MXRA7: variants seen among roughly 807,000 people sequenced by gnomAD.
MXRA7 encodes matrix-remodeling-associated protein 7.
A neutral mutation model predicts 17.4 loss-of-function variants in MXRA7; 18 were observed. That is an observed-to-expected ratio of 1.03 (90% CI 0.71 to 1.53). The LOEUF is 1.53. Ranked by LOEUF, MXRA7 falls within the 40% of genes most tolerant of loss-of-function variation. MXRA7 has a pLI of 0.00. For synonymous variants in MXRA7, 70 were observed against 101.7 expected, an observed-to-expected ratio of 0.69 and a Z score of 1.87; for missense variants, 141 against 209.3, an observed-to-expected ratio of 0.67 and a Z score of 2.01.
intron 1 of MXRA7, 149 bp downstream of exon 1, chr17:76,710,456 C>T (rs2076706988): frequency 1.7e-6 from 1 of 582,698 alleles, no homozygotes; most frequent in Non-Finnish European, 2.4e-6. Context: ...CATGGCGGGA[C>T]CTGCATTTCC....
chr17:76,684,044 C>A (rs1205935857), intron 3 of MXRA7: 3 of 832,688 alleles, frequency 3.6e-6, no homozygotes, highest in African/African-American at 1.7e-5. Flanking sequence ...GCCCGCCCCC[C>A]ACCCACCCAG....
At chr17:76,678,602 ACGGGCT>A (rs2076259913), downstream of MXRA7, among the ~76,000 whole-genome samples, 1 of 152,036 alleles carries the variant, frequency 6.6e-6, no homozygotes, top group East Asian at 1.9e-4. Flanking sequence ...CCCACACACC[ACGGGCT>A]CAGTGCCTTC....
rs1245519063 is a variant in MXRA7 at position 76,706,254 on chromosome 17, A to ACAGAGGCCCACGCTGCCG, written c.342+4350_342+4351insCGGCAGCGTGGGCCTCTG. On this transcript the variant is annotated intron_variant, in intron 1 of 3. Transcript: ENST00000449428. The stretch of plus-strand genomic sequence containing the variant: ...TGCCGTCACAGAGGCCCACTCTGCC[A>ACAGAGGCCCACGCTGCCG]TCACAGAGGCCCACGCTGCCGTCAC... Among the ~76,000 whole-genome samples, 38 of 52,270 alleles carry ACAGAGGCCCACGCTGCCG rather than the reference A, an allele frequency of 7.3e-4. 1 individual carries two copies. Among genetic ancestry groups the ACAGAGGCCCACGCTGCCG allele is most frequent in the East Asian group, 2.1e-3 (4 of 1,874 alleles). The allele number at this position is 52,270 out of a possible 152,430, so 34.3% of individuals were successfully genotyped here.
intron 1 of MXRA7, among the ~76,000 whole-genome samples, chr17:76,698,982 A>G (rs2076564782): frequency 1.3e-5 from 2 of 151,958 alleles, no homozygotes; most frequent in South Asian, 4.1e-4. Flanking sequence ...CAGCCTCCCA[A>G]AGTGCTGGGA....
chr17:76,701,770 T>C (rs34452291), intron 1 of MXRA7, among the ~76,000 whole-genome samples: 79,925 of 151,348 alleles, frequency 0.53, 21,118 homozygotes, highest in Middle Eastern at 0.65. Context: ...GGCCGACTGC[T>C]GCGTTCCAAT....
At chr17:76,708,390 C>T (rs763382387) in intron 1 of MXRA7, among the ~76,000 whole-genome samples, 4 of 152,190 alleles carry the variant, frequency 2.6e-5, no homozygotes, top group Non-Finnish European at 5.9e-5. Flanking sequence ...CCTCCTCCCT[C>T]GCTGTTGGTG....
In MXRA7 at chr17:76,685,175, G is replaced by C; in HGVS notation, c.407-10C>G. The C allele has an allele frequency of 6.2e-7, 1 of 1,609,638 alleles. No individual in the cohort carries two copies. The highest frequency in any genetic ancestry group is 8.5e-7 in the Non-Finnish European group (1 of 1,175,996). On this transcript the variant is annotated splice_polypyrimidine_tract_variant and intron_variant, in intron 2 of 3. Coordinates refer to ENST00000449428, the MANE Select transcript of MXRA7 (RefSeq NM_198530.4). ...AAGGAGAAGCCTTCTCCTGTGGAGG[G>C]GGGACCCAGTAAGTGCCAGGAGTGC... is the stretch of plus-strand genomic sequence containing the variant.
At chr17:76,683,182 A>AG (rs1385476012) in intron 3 of MXRA7, among the ~76,000 whole-genome samples, 11 of 152,294 alleles carry the variant, frequency 7.2e-5, no homozygotes, top group African/African-American at 2.4e-4. Context: ...GCCTCTGTCC[A>AG]GGGACTGCAA....
chr17:76,680,537 G>A lies in MXRA7; in HGVS notation c.*330C>T, dbSNP rs1354794983. The A allele has an allele frequency of 4.5e-6, 5 of 1,100,340 alleles. No individual in the cohort carries two copies. Among genetic ancestry groups the A allele is most frequent in the Admixed American group, 9.9e-5 (2 of 20,174 alleles). 68.2% of individuals were successfully genotyped at this position (1,100,340 alleles called of 1,614,324 possible). ...TTTTAAAATGTTCTTTTTATCTAAGGTGTGCAGGGTGTGTGGATAGCAAGT... is the reference window on the plus strand; with the variant it reads ...TTTTAAAATGTTCTTTTTATCTAAGATGTGCAGGGTGTGTGGATAGCAAGT... On this transcript the variant is annotated 3_prime_UTR_variant, in exon 4 of 4. Coordinates refer to ENST00000449428, the MANE Select transcript of MXRA7 (RefSeq NM_198530.4).
intron 1 of MXRA7, among the ~76,000 whole-genome samples, chr17:76,700,877 G>C (rs2076582592): frequency 6.6e-6 from 1 of 152,182 alleles, no homozygotes; most frequent in African/African-American, 2.4e-5. Flanking sequence ...GACATAGAGA[G>C]GAGAGAGGTG....
rs1198247328 is a variant in MXRA7, at chr17:76,684,299, C to T, written c.500+773G>A. On this transcript the variant is annotated intron_variant, in intron 3 of 3. Coordinates refer to ENST00000449428, the MANE Select transcript of MXRA7 (RefSeq NM_198530.4). Reference sequence around the variant, plus strand: ...GATTCCCACAAGCTGCTCTGGGTCGCCAGGCTTGGAAAATGGCACAGCTAC... The same window carrying T: ...GATTCCCACAAGCTGCTCTGGGTCGTCAGGCTTGGAAAATGGCACAGCTAC... 2.6e-5 allele frequency among the ~76,000 whole-genome samples: 4 copies of T among 152,140 alleles called. No individual in the cohort carries two copies. In the East Asian group the frequency reaches 7.7e-4, roughly 29 times the overall value.
chr17:76,677,639 G>C (rs146981546), downstream of MXRA7: 555 of 1,613,640 alleles, frequency 3.4e-4, no homozygotes, highest in Middle Eastern at 4.9e-4. Flanking sequence ...CGGACATCTC[G>C]CCAAACGTCT....
In MXRA7 at chr17:76,680,503, G is replaced by T; in HGVS notation, c.*364C>A. On this transcript the variant is annotated 3_prime_UTR_variant, in exon 4 of 4. Transcript: ENST00000449428. The stretch of plus-strand genomic sequence containing the variant: ...AAAGAGGGGAGACTGGAGTGAAAGT[G>T]AACTCTGCTTTTAAAATGTTCTTTT... 9.8e-7 allele frequency: 1 copy of T among 1,019,044 alleles called. No homozygotes were observed. The highest frequency in any genetic ancestry group is 1.2e-6 in the Non-Finnish European group (1 of 851,908). The allele number at this position is 1,019,044 out of a possible 1,614,324, so 63.1% of individuals were successfully genotyped here. A position where few individuals can be genotyped will look rare whatever the true frequency, so the allele number is the denominator to read the frequency against.
chr17:76,677,828 A>C, downstream of MXRA7: 1 of 657,354 alleles, frequency 1.5e-6, no homozygotes, highest in Non-Finnish European at 2.7e-6. Flanking sequence ...GCTTTTCAGA[A>C]CAAGAAGAAA....
chr17:76,692,442 G>A (rs1160460297), intron 1 of MXRA7, among the ~76,000 whole-genome samples: 1 of 151,996 alleles, frequency 6.6e-6, no homozygotes, highest in East Asian at 1.9e-4. Context: ...TAGTAGAGAT[G>A]GGGTTTCTCC....
chr17:76,688,451 G>C (rs973753391), intron 1 of MXRA7: 2 of 1,354,298 alleles, frequency 1.5e-6, no homozygotes, highest in African/African-American at 3.0e-5. Context: ...GTGGGTGCCT[G>C]TTGAGGCTTC....
intron 1 of MXRA7, 92 bp from the exon 2 acceptor site, chr17:76,688,268 C>T (rs1354148514): frequency 6.4e-7 from 1 of 1,567,118 alleles, no homozygotes; most frequent in Admixed American, 1.8e-5. Context: ...AGAGGAGGCC[C>T]TCGAAGGTCC....
intron 1 of MXRA7, chr17:76,688,516 C>T (rs4788942): frequency 0.79 from 1,028,230 of 1,297,742 alleles, 412,062 homozygotes; most frequent in Non-Finnish European, 0.82. Context: ...CTGCGGCCAG[C>T]AGACAAAGGG....
chr17:76,703,960 G>T (rs1048181506), intron 1 of MXRA7, among the ~76,000 whole-genome samples: 1 of 151,098 alleles, frequency 6.6e-6, no homozygotes, highest in African/African-American at 2.4e-5. Context: ...ATAGCCGGGC[G>T]TGGTGGTGGC....
Sources: gnomAD v4.1 joint callset for allele counts (sites outside exome capture counted in the v4.1 genomes callset) on GRCh38, gnomAD v4.1.1 for gene constraint, MANE v1.5 for transcripts, NCBI Gene and HGNC (gene_info 2026-07-23, HGNC 2026-07-21) for gene names.